ZNF182: variants seen among roughly 807,000 people sequenced by gnomAD.
ZNF182 encodes the protein zinc finger protein 182.
A neutral mutation model predicts 28.1 loss-of-function variants in ZNF182; 10 were observed. The observed-to-expected ratio is 0.36, with a 90% CI of 0.22 to 0.60. ZNF182 has a LOEUF of 0.60. Ranked by LOEUF, ZNF182 falls within the 20% of genes least tolerant of loss-of-function variation. ZNF182 has a pLI of 0.75. For synonymous variants in ZNF182, 156 were observed against 158.7 expected (o/e 0.98, Z 0.13); for missense variants, 352 against 453.2 (o/e 0.78, Z 2.03).
rs782241986 is a variant in ZNF182, at chrX:47,977,251, A to G, written c.779T>C (p.Ile260Thr). 1.7e-6 allele frequency: 2 copies of G among 1,211,401 alleles called. No individual in the cohort carries two copies. The highest frequency in any genetic ancestry group is 2.2e-6 in the Non-Finnish European group (2 of 895,433). ...KAFSQKSQLI[I>T]HLRTHTGERP... ...CTCTCCTGTATGAGTTCGCAAGTGT[A>G]TAATGAGCTGAGATTTTTGGCTAAA... Residue 260 changes from isoleucine to threonine, a missense_variant, in exon 6 of 6, where the codon ATA (isoleucine) becomes ACA (threonine). Ile to Thr is a moderately conservative substitution (Grantham distance 89). Coordinates refer to ENST00000376943, the MANE Select transcript of ZNF182 (RefSeq NM_001007088.2).
chrX:47,997,243 C>T (rs2058961961), intron 3 of ZNF182, among the ~76,000 whole-genome samples: 1 of 105,582 alleles, frequency 9.5e-6, no homozygotes, highest in Non-Finnish European at 1.9e-5. Context: ...CACTTAAACC[C>T]GGGAGGTCAA....
chrX:47,994,327 G>A (rs1261286334), intron 3 of ZNF182, among the ~76,000 whole-genome samples: 2 of 112,138 alleles, frequency 1.8e-5, no homozygotes, highest in African/African-American at 6.5e-5. Flanking sequence ...CAGGAATGAA[G>A]GGGAAATTAA....
chrX:48,001,764 T>C (rs1556901940), intron 3 of ZNF182, among the ~76,000 whole-genome samples: 1 of 111,627 alleles, frequency 9.0e-6, no homozygotes. Flanking sequence ...AAAGGTTACA[T>C]AATACATGAC....
chrX:47,980,538 A>G (rs1156894758), intron 5 of ZNF182, among the ~76,000 whole-genome samples: 2 of 112,269 alleles, frequency 1.8e-5, no homozygotes, highest in African/African-American at 3.2e-5. Flanking sequence ...TATATGTATC[A>G]AAACATCACA....
At chrX:47,986,738 G>C (rs1242353160) in intron 3 of ZNF182, among the ~76,000 whole-genome samples, 1 of 111,666 alleles carries the variant, frequency 9.0e-6, no homozygotes, top group Non-Finnish European at 1.9e-5. Context: ...GTCTGGGTGG[G>C]TACCATCTAA....
In ZNF182 at chrX:47,976,967, G is replaced by A; in HGVS notation, c.1063C>T (p.His355Tyr). The A allele has an allele frequency of 1.7e-6, 2 of 1,206,095 alleles. No homozygotes were observed. Among genetic ancestry groups the A allele is most frequent in the African/African-American group, 1.7e-5 (1 of 57,328 alleles). Residue 355 changes from histidine (H) to tyrosine (Y), a missense_variant, in exon 6 of 6, where the codon CAT (histidine) becomes TAT (tyrosine). By Grantham distance (83) the His-to-Tyr change is moderately conservative. Coordinates refer to ENST00000376943, the MANE Select transcript of ZNF182 (RefSeq NM_001007088.2). ...GTTTTCTTACACTCATTACATTCATGGGGTTTCTTTCCTGTATGGGTACTA... is the reference window on the plus strand; with the variant it reads ...GTTTTCTTACACTCATTACATTCATAGGGTTTCTTTCCTGTATGGGTACTA... ...HHSTHTGKKP[H>Y]ECNECKKTFS...
intron 5 of ZNF182, among the ~76,000 whole-genome samples, chrX:47,981,481 C>T (rs1556899091): frequency 8.9e-6 from 1 of 112,817 alleles, no homozygotes; most frequent in Non-Finnish European, 1.9e-5. Context: ...GATGATGCTA[C>T]AAAATCAATT....
intron 2 of ZNF182, among the ~76,000 whole-genome samples, chrX:48,003,086 A>AT (rs1313349146): frequency 4.5e-5 from 5 of 112,203 alleles, no homozygotes; most frequent in Non-Finnish European, 3.8e-5. Context: ...ACTGTACAGT[A>AT]TCTATGCACT....
chrX:47,997,043 C>G (rs2058960878), intron 3 of ZNF182, among the ~76,000 whole-genome samples: 1 of 111,529 alleles, frequency 9.0e-6, no homozygotes, highest in South Asian at 3.7e-4. Context: ...AAAGAATATA[C>G]TGGCCGGGCA....
Position 48,002,602 on chromosome X carries a change from T to A in ZNF182, c.8A>T (p.Lys3Ile), listed in dbSNP as rs2058982159. 8.3e-7 allele frequency: 1 copy of A among 1,211,167 alleles called. No homozygotes were observed. ...AACAGACAACATACTTACCTGGGGT[T>A]TGGCCATTTCCTGCTCTTCTTGGGA... MA[K>I]PQGLVTFEDV... The change falls in exon 3 of 6, where the codon AAA becomes ATA. Residue 3 changes from lysine (K) to isoleucine (I), a missense_variant. Transcript: ENST00000376943.
At chrX:47,994,764 G>A (rs1197560821) in intron 3 of ZNF182, among the ~76,000 whole-genome samples, 3 of 110,629 alleles carry the variant, frequency 2.7e-5, no homozygotes, top group African/African-American at 6.6e-5. Flanking sequence ...TCAGCCTCCT[G>A]AGTAGCTGAG....
At chrX:47,980,109 G>A (rs1460661137) in intron 5 of ZNF182, among the ~76,000 whole-genome samples, 2 of 111,545 alleles carry the variant, frequency 1.8e-5, no homozygotes, top group Non-Finnish European at 3.8e-5. Flanking sequence ...ATGGAATACT[G>A]TTCAGCCATA....
At position 47,976,029 on chromosome X, in the gene ZNF182, G is replaced by C. The variant is rs1174170350; in HGVS notation, c.*138C>G. ...CTGCTTTTTCTCCCGTAGCTTTTGG[G>C]TTATGACTGAGATGAAAAGAAGAAA... On this transcript the variant is annotated 3_prime_UTR_variant, in exon 6 of 6. Coordinates refer to ENST00000376943, the MANE Select transcript of ZNF182 (RefSeq NM_001007088.2). 1 of 657,320 alleles carries C rather than the reference G, an allele frequency of 1.5e-6. No homozygotes were observed. The highest frequency in any genetic ancestry group is 4.0e-5 in the Admixed American group (1 of 24,804). 54.2% of individuals were successfully genotyped at this position (657,320 alleles called of 1,213,427 possible). A position where few individuals can be genotyped will look rare whatever the true frequency, so the allele number is the denominator to read the frequency against.
intron 5 of ZNF182, among the ~76,000 whole-genome samples, chrX:47,978,171 G>A (rs782592117): frequency 9.0e-6 from 1 of 111,160 alleles, no homozygotes; most frequent in South Asian, 3.8e-4. Context: ...GAGCTCAAGC[G>A]ATCCTCCCAC....
chrX:47,977,888 AT>A, intron 5 of ZNF182, 91 bp from the exon 6 acceptor site: 1 of 831,255 alleles, frequency 1.2e-6, no homozygotes, highest in Non-Finnish European at 1.6e-6. Flanking sequence ...AGCTGATACT[AT>A]AATCTCATTT....
Position 47,975,120 on chromosome X carries a change from C to T in ZNF182, c.*1047G>A, listed in dbSNP as rs924707046. 9.0e-6 allele frequency: 1 copy of T among 111,689 alleles called. No individual in the cohort carries two copies. The highest frequency in any genetic ancestry group is 2.8e-4 in the East Asian group (1 of 3,576). 9.2% of individuals were successfully genotyped at this position (111,689 alleles called of 1,213,427 possible). ...AGTCACTGTCCTCAACCTTATTTTT[C>T]CTACCTAATAACATAAACTGAAGGT... is the stretch of plus-strand genomic sequence containing the variant. On this transcript the variant is annotated 3_prime_UTR_variant, in exon 6 of 6. Coordinates refer to ENST00000376943, the MANE Select transcript of ZNF182 (RefSeq NM_001007088.2).
At chrX:47,994,441 A>C (rs2058951395) in intron 3 of ZNF182, among the ~76,000 whole-genome samples, 1 of 111,885 alleles carries the variant, frequency 8.9e-6, no homozygotes, top group African/African-American at 3.3e-5. Flanking sequence ...GTGATAAAAG[A>C]ATGAATCTCA....
At chrX:47,992,690 C>T (rs1445115923) in intron 3 of ZNF182, among the ~76,000 whole-genome samples, 2 of 111,513 alleles carry the variant, frequency 1.8e-5, no homozygotes, top group African/African-American at 3.3e-5. Flanking sequence ...TGCCCTCTTC[C>T]GTCTGGACCT....
rs782064823 is a variant in ZNF182, at chrX:47,976,234, C to T, written c.1796G>A (p.Arg599Gln). The T allele has an allele frequency of 1.2e-5, 14 of 1,186,084 alleles. No individual in the cohort carries two copies. Among genetic ancestry groups the T allele is most frequent in the South Asian group, 1.2e-4 (6 of 51,712 alleles). The change falls in exon 6 of 6, where the codon CGA becomes CAA. Residue 599 changes from arginine (R) to glutamine (Q), a missense_variant. Transcript: ENST00000376943. ...ATGGGCTTTCTTTCCTGCATGGGTT[C>T]GCTGATGTACAATAAGGTTTGATTT... Reference protein sequence around the residue: ...TQKSNLIVHQRTHAGKKAHGR... With the variant: ...TQKSNLIVHQQTHAGKKAHGR...
Sources: gnomAD v4.1 joint callset for allele counts (sites outside exome capture counted in the v4.1 genomes callset) on GRCh38, gnomAD v4.1.1 for gene constraint, MANE v1.5 for transcripts, NCBI Gene and HGNC (gene_info 2026-07-23, HGNC 2026-07-21) for gene names.